GALNT1: variants seen among roughly 807,000 people sequenced by gnomAD.
The protein encoded by GALNT1 is polypeptide N-acetylgalactosaminyltransferase 1.
In GALNT1, 17 loss-of-function variants were observed where a neutral mutation model predicts 65.7. The ratio of observed to expected loss-of-function variants is 0.26; its 90% confidence interval spans 0.18 to 0.39. GALNT1 has a LOEUF of 0.39. Ranked by LOEUF, GALNT1 falls within the 10% of genes least tolerant of loss-of-function variation. The probability of loss-of-function intolerance (pLI) is 1.00; values close to 1 mark genes in which losing one functional copy is unlikely to be tolerated. For synonymous variants in GALNT1, 210 were observed against 219.7 expected, an observed-to-expected ratio of 0.96 and a Z score of 0.39; for missense variants, 460 against 672.8, an observed-to-expected ratio of 0.68 and a Z score of 3.50.
intron 1 of GALNT1, among the ~76,000 whole-genome samples, chr18:35,626,199 A>G (rs1376732407): frequency 2.6e-5 from 4 of 152,226 alleles, no homozygotes; most frequent in Non-Finnish European, 4.4e-5. Flanking sequence ...GTGAAATGAC[A>G]TGCAAACTCA....
chr18:35,632,280 T>C (rs560424103), intron 1 of GALNT1, among the ~76,000 whole-genome samples: 2,070 of 152,130 alleles, frequency 0.014, 42 homozygotes, highest in African/African-American at 0.046. Flanking sequence ...GGAGGCATCA[T>C]GCTACCTGAC....
intron 1 of GALNT1, among the ~76,000 whole-genome samples, chr18:35,610,375 C>T (rs2046702571): frequency 6.6e-6 from 1 of 152,192 alleles, no homozygotes; most frequent in African/African-American, 2.4e-5. Flanking sequence ...GCCAACTCCT[C>T]TTTTTGTTTG....
At chr18:35,685,616 AG>A (rs2047855889) in intron 5 of GALNT1, among the ~76,000 whole-genome samples, 1 of 152,208 alleles carries the variant, frequency 6.6e-6, no homozygotes, top group East Asian at 1.9e-4. Context: ...AGTCTTTCTT[AG>A]GTTTTGCAGT....
intron 2 of GALNT1, among the ~76,000 whole-genome samples, chr18:35,659,169 T>A (rs1021059941): frequency 4.3e-4 from 66 of 152,376 alleles, no homozygotes; most frequent in African/African-American, 1.5e-3. Context: ...TTTACAGCTC[T>A]GATTTCGGTG....
rs75017250 is a variant in GALNT1 at position 35,701,791 on chromosome 18, A to G, written c.1300-1106A>G. On this transcript the variant is annotated intron_variant, in intron 9 of 11. Transcript: ENST00000269195. Reference sequence around the variant, plus strand: ...AAAATGTGAAGATGATTAAGTGTTCATATTAGAAAATTGAGAAATTCTGTT... The same window carrying G: ...AAAATGTGAAGATGATTAAGTGTTCGTATTAGAAAATTGAGAAATTCTGTT... Among the ~76,000 whole-genome samples, 1,392 of 152,314 alleles carry G rather than the reference A, an allele frequency of 9.1e-3. 22 individuals carry two copies. The highest frequency in any genetic ancestry group is 0.03 in the African/African-American group (1,247 of 41,560).
intron 3 of GALNT1, among the ~76,000 whole-genome samples, chr18:35,675,713 T>C (rs1452740192): frequency 6.6e-6 from 1 of 152,236 alleles, no homozygotes; most frequent in East Asian, 1.9e-4. Context: ...TTTGGTAAGG[T>C]AGCAGCTATA....
intron 11 of GALNT1, among the ~76,000 whole-genome samples, chr18:35,707,072 T>C (rs1387991208): frequency 2.0e-5 from 3 of 152,160 alleles, no homozygotes; most frequent in African/African-American, 7.2e-5. Context: ...CAGGTTTCTT[T>C]GCACAGTACC....
chr18:35,680,340 C>T (rs1182858123), intron 4 of GALNT1, among the ~76,000 whole-genome samples: 1 of 152,136 alleles, frequency 6.6e-6, no homozygotes, highest in Non-Finnish European at 1.5e-5. Flanking sequence ...CTCTCCAGAC[C>T]TGTCACATCC....
intron 1 of GALNT1, among the ~76,000 whole-genome samples, chr18:35,634,368 T>C (rs1469590065): frequency 8.5e-5 from 13 of 152,188 alleles, no homozygotes; most frequent in Admixed American, 6.5e-5. Flanking sequence ...CTTAATATGC[T>C]GATTGTGTGG....
In GALNT1 at chr18:35,703,572, C is replaced by T. The variant is rs1159418914; in HGVS notation, c.1462C>T (p.Leu488Phe). Residue 488 changes from leucine (L) to phenylalanine (F), a missense_variant, in exon 11 of 12, where the codon CTT becomes TTT. Coordinates refer to ENST00000269195, the MANE Select transcript of GALNT1 (RefSeq NM_020474.4). ...TDDLCLDVSK[L>F]NGPVTMLKCH... ...TGACCTTTGCTTGGATGTTTCCAAA[C>T]TTAATGGCCCAGTTACAATGCTCAA... The T allele has an allele frequency of 1.2e-6, 2 of 1,613,966 alleles. No individual in the cohort carries two copies. The highest frequency in any genetic ancestry group is 4.5e-5 in the East Asian group (2 of 44,850).
intron 1 of GALNT1, among the ~76,000 whole-genome samples, chr18:35,638,055 A>G (rs559032920): frequency 5.9e-5 from 9 of 152,358 alleles, no homozygotes; most frequent in African/African-American, 2.2e-4. Flanking sequence ...ATTACTTTTC[A>G]TTGAGAATGC....
chr18:35,703,781 C>T (rs1048723092), intron 11 of GALNT1, 138 bp downstream of exon 11: 35 of 781,472 alleles, frequency 4.5e-5, no homozygotes, highest in East Asian at 2.1e-4. Context: ...TATTGACAGG[C>T]GGGAAAAATA....
At chr18:35,587,773 A>C (rs917033448) in intron 1 of GALNT1, among the ~76,000 whole-genome samples, 1 of 152,220 alleles carries the variant, frequency 6.6e-6, no homozygotes, top group Non-Finnish European at 1.5e-5. Flanking sequence ...TTTTGCACTT[A>C]GATTCATGGG....
intron 4 of GALNT1, among the ~76,000 whole-genome samples, chr18:35,680,921 CAG>C (rs1568031233): frequency 6.6e-6 from 1 of 152,222 alleles, no homozygotes; most frequent in East Asian, 1.9e-4. Flanking sequence ...ATTTTCATCT[CAG>C]AAAGTTATCT....
chr18:35,668,077 C>T (rs1180643233), intron 3 of GALNT1, among the ~76,000 whole-genome samples: 2 of 152,064 alleles, frequency 1.3e-5, no homozygotes, highest in African/African-American at 4.8e-5. Context: ...TAATATATAC[C>T]TTTAAATGCA....
intron 1 of GALNT1, among the ~76,000 whole-genome samples, chr18:35,632,933 GAC>G (rs1489693018): frequency 6.6e-6 from 1 of 152,100 alleles, no homozygotes; most frequent in African/African-American, 2.4e-5. Context: ...GCAGCCAAAA[GAC>G]ACATGAAAAA....
intron 7 of GALNT1, 88 bp downstream of exon 7, chr18:35,689,378 A>T: frequency 1.3e-6 from 1 of 787,564 alleles, no homozygotes. Context: ...ATAAAAAATA[A>T]AAATTGAATT....
Position 35,683,428 on chromosome 18 carries a change from A to T in GALNT1, c.519A>T (p.Lys173Asn). The change falls in exon 5 of 12, where the codon AAA becomes AAT. Residue 173 changes from lysine (K) to asparagine (N), a missense_variant. Transcript: ENST00000269195. Reference protein sequence around the residue: ...LKRPLESYVKKLKVPVHVIRM... With the variant: ...LKRPLESYVKNLKVPVHVIRM... ...GGCCTTTAGAGAGTTATGTGAAAAA[A>T]CTAAAAGTACCAGTTCATGTAATTC... 6.2e-7 allele frequency: 1 copy of T among 1,613,588 alleles called. No individual in the cohort carries two copies. Among genetic ancestry groups the T allele is most frequent in the Admixed American group, 1.7e-5 (1 of 59,962 alleles).
chr18:35,585,156 C>T (rs1003799505), intron 1 of GALNT1, among the ~76,000 whole-genome samples: 3 of 152,136 alleles, frequency 2.0e-5, no homozygotes, highest in Admixed American at 6.5e-5. Context: ...ACTCCTGCAC[C>T]TGACTTTTGG....
Sources: gnomAD v4.1 joint callset for allele counts (sites outside exome capture counted in the v4.1 genomes callset) on GRCh38, gnomAD v4.1.1 for gene constraint, MANE v1.5 for transcripts, NCBI Gene and HGNC (gene_info 2026-07-23, HGNC 2026-07-21) for gene names.